The following FLYWCH1 variants were observed in gnomAD, a reference collection of about 807,000 sequenced individuals.
FLYWCH1 encodes the protein FLYWCH-type zinc finger-containing protein 1.
A neutral mutation model predicts 66.4 loss-of-function variants in FLYWCH1; 75 were observed. That is an observed-to-expected ratio of 1.13 (90% CI 0.94 to 1.37). The LOEUF (loss-of-function observed/expected upper bound fraction) is 1.37, where lower values mean the gene tolerates loss of function less well. FLYWCH1 is among the 40% of genes most tolerant of loss of function. FLYWCH1 has a pLI of 0.00. For missense variants in FLYWCH1, 1,334 were observed against 1,001.8 expected (o/e 1.33, Z -4.48); for synonymous variants, 595 against 429.9 (o/e 1.38, Z -4.75).
chr16:2,945,764 A>G (rs369579923), intron 9 of FLYWCH1, among the ~76,000 whole-genome samples: 13 of 152,156 alleles, frequency 8.5e-5, no homozygotes, highest in East Asian at 3.9e-4. Context: ...TTGGGAGGCC[A>G]AGGTGGGCAG....
rs1443327967 is a variant in FLYWCH1, at chr16:2,933,768, G to C, written c.1302G>C (p.Glu434Asp). 1 of 1,613,234 alleles carries C rather than the reference G, an allele frequency of 6.2e-7. No homozygotes were observed. The highest frequency in any genetic ancestry group is 2.2e-5 in the East Asian group (1 of 44,852). The change falls in exon 6 of 10, where the codon GAG (glutamate) becomes GAC (aspartate). Residue 434 changes from glutamate (E) to aspartate (D), a missense_variant. Coordinates refer to ENST00000253928, the MANE Select transcript of FLYWCH1 (RefSeq NM_001308068.2). ...TGGGGGGCAGCTTCCTGGTGTACGAGTCCTTCCTCTACCGGCGGGAGAAGG... is the reference window on the plus strand; with the variant it reads ...TGGGGGGCAGCTTCCTGGTGTACGACTCCTTCCTCTACCGGCGGGAGAAGG... ...TPLGGSFLVY[E>D]SFLYRREKAA...
intron 2 of FLYWCH1, among the ~76,000 whole-genome samples, chr16:2,926,210 A>G (rs1346908116): frequency 2.0e-5 from 3 of 152,244 alleles, no homozygotes; most frequent in South Asian, 2.1e-4. Context: ...CAATAGAACA[A>G]TTCTGCCCAT....
chr16:2,942,837 G>A (rs2071328346), intron 9 of FLYWCH1, among the ~76,000 whole-genome samples: 1 of 151,268 alleles, frequency 6.6e-6, no homozygotes, highest in Non-Finnish European at 1.5e-5. Context: ...AGGTAGCTGG[G>A]ATTAGAAGTG....
intron 6 of FLYWCH1, chr16:2,936,163 G>A (rs534923104): frequency 3.9e-4 from 119 of 304,464 alleles, no homozygotes; most frequent in African/African-American, 2.4e-3. Flanking sequence ...CGCCTGCCTC[G>A]GCCTCCCAAA....
At chr16:2,934,772 C>G (rs757531244) in intron 6 of FLYWCH1, 1 of 416,294 alleles carries the variant, frequency 2.4e-6, no homozygotes, top group Non-Finnish European at 4.8e-6. Flanking sequence ...GTCCCCGCCT[C>G]GTCCTCACCC....
intron 7 of FLYWCH1, 108 bp from the exon 8 acceptor site, chr16:2,938,076 G>C (rs771463193): frequency 9.0e-7 from 1 of 1,108,668 alleles, no homozygotes. Context: ...CAGCGTGCTA[G>C]GGGATCGCAG....
At chr16:2,918,851 C>T (rs776498848) in intron 2 of FLYWCH1, among the ~76,000 whole-genome samples, 7 of 152,180 alleles carry the variant, frequency 4.6e-5, no homozygotes, top group East Asian at 1.9e-4. Context: ...AGGGCTAGAA[C>T]GTAGTGTCTT....
chr16:2,930,004 G>A lies in FLYWCH1; in HGVS notation c.319G>A (p.Asp107Asn), dbSNP rs541355643. 125 of 1,602,784 alleles carry A rather than the reference G, an allele frequency of 7.8e-5. 1 individual carries two copies. The South Asian group carries it at 1.3e-3, about 17-fold the overall frequency. Residue 107 changes from aspartate (D) to asparagine (N), a missense_variant, in exon 3 of 10, where the codon GAT (aspartate) becomes AAT (asparagine). By Grantham distance (23) the Asp-to-Asn change is conservative. Transcript: ENST00000253928. ...EMPEQKCSKL[D>N]AAAPQSLEFL... ...GCCTGAACAGAAGTGCAGCAAGCTGGATGCAGGTGAGGTGTGGCTTCCCGC... is the reference window on the plus strand; with the variant it reads ...GCCTGAACAGAAGTGCAGCAAGCTGAATGCAGGTGAGGTGTGGCTTCCCGC...
At chr16:2,916,111 C>T (rs2335545) in intron 2 of FLYWCH1, among the ~76,000 whole-genome samples, 41,867 of 151,986 alleles carry the variant, frequency 0.28, 5,869 homozygotes, top group Non-Finnish European at 0.28. Flanking sequence ...TTTTGGGAGG[C>T]AAAGACGGGC....
At chr16:2,928,848 A>T (rs903736713) in intron 2 of FLYWCH1, 1 of 152,270 alleles carries the variant, frequency 6.6e-6, no homozygotes, top group Non-Finnish European at 1.5e-5. Flanking sequence ...TGACCTCAGA[A>T]TTCTCCAGAC....
At chr16:2,922,459 A>G (rs1257392035) in intron 2 of FLYWCH1, 2 of 229,964 alleles carry the variant, frequency 8.7e-6, no homozygotes, top group Non-Finnish European at 1.7e-5. Context: ...CTCTGTGCCC[A>G]TGAAACACTC....
At chr16:2,915,716 G>C (rs1567317116) in intron 2 of FLYWCH1, among the ~76,000 whole-genome samples, 1 of 151,444 alleles carries the variant, frequency 6.6e-6, no homozygotes, top group Non-Finnish European at 1.5e-5. Flanking sequence ...AGAATGGCTT[G>C]AGCCTGGGAA....
intron 4 of FLYWCH1, among the ~76,000 whole-genome samples, chr16:2,932,240 C>A (rs930378117): frequency 6.9e-6 from 1 of 144,076 alleles, no homozygotes; most frequent in Admixed American, 7.2e-5. Flanking sequence ...CATTGTACTC[C>A]AGCCTGGGCG....
chr16:2,925,985 C>G (rs904356110), intron 2 of FLYWCH1, among the ~76,000 whole-genome samples: 3 of 152,098 alleles, frequency 2.0e-5, no homozygotes, highest in African/African-American at 4.8e-5. Context: ...ACTGCAGTCT[C>G]GATTCCAGGC....
chr16:2,933,443 T>C lies in FLYWCH1; in HGVS notation c.1110T>C (p.Asp370=), dbSNP rs1596377814. Residue 370 remains aspartate (D), a synonymous_variant, in exon 5 of 10, where the codon GAT becomes GAC. Coordinates refer to ENST00000253928, the MANE Select transcript of FLYWCH1 (RefSeq NM_001308068.2). ...TGGACACGCTGCTCCGAGGCGTGGA[T>C]AGTTTGCTCTACCGCAGGGGTCCGG... The part of the protein sequence containing the change: ...SQVDTLLRGV[D]SLLYRRGPGP... The C allele has an allele frequency of 1.2e-6, 2 of 1,601,144 alleles. No homozygotes were observed. The highest frequency in any genetic ancestry group is 2.2e-5 in the South Asian group (2 of 89,220).
At chr16:2,933,086 CCT>C in intron 4 of FLYWCH1, 42 bp from the exon 5 acceptor site, 1 of 1,556,160 alleles carries the variant, frequency 6.4e-7, no homozygotes, top group Non-Finnish European at 8.8e-7. Flanking sequence ...CTCCTGGGCT[CCT>C]CTCCACCCCT....
chr16:2,923,836 G>C (rs554233807), intron 2 of FLYWCH1, among the ~76,000 whole-genome samples: 7 of 151,852 alleles, frequency 4.6e-5, no homozygotes, highest in Non-Finnish European at 7.4e-5. Flanking sequence ...TCACGAGTTC[G>C]AGACCAGCCT....
intron 4 of FLYWCH1, among the ~76,000 whole-genome samples, chr16:2,931,760 G>A (rs1425093246): frequency 2.0e-5 from 3 of 152,080 alleles, no homozygotes; most frequent in Non-Finnish European, 4.4e-5. Context: ...ATGAGGTCAG[G>A]AGTTCAAGAC....
At chr16:2,923,877 A>G (rs941835442) in intron 2 of FLYWCH1, among the ~76,000 whole-genome samples, 2 of 152,034 alleles carry the variant, frequency 1.3e-5, no homozygotes, top group African/African-American at 4.8e-5. Flanking sequence ...ATCTCTACCA[A>G]AAAATACAAA....
Sources: allele counts gnomAD v4.1 joint callset (sites outside exome capture counted in the v4.1 genomes callset), GRCh38; gene constraint gnomAD v4.1.1; transcripts MANE v1.5; gene names NCBI Gene and HGNC (gene_info 2026-07-23, HGNC 2026-07-21).